Variants in WDFY4 observed in about 807,000 individuals in gnomAD.
WDFY4 encodes the protein WDFY family member 4.
Under a neutral mutation model 351.9 loss-of-function variants are expected in WDFY4, and 169 were observed. That is an observed-to-expected ratio of 0.48 (90% CI 0.42 to 0.55). WDFY4 has a LOEUF of 0.55. WDFY4 is among the 20% of genes least tolerant of loss of function. WDFY4 has a pLI of 0.00. For missense variants in WDFY4, 3,803 were observed against 3,935.6 expected, an observed-to-expected ratio of 0.97 and a Z score of 0.90; for synonymous variants, 1,622 against 1,574.6, an observed-to-expected ratio of 1.03 and a Z score of -0.71.
intron 1 of WDFY4, among the ~76,000 whole-genome samples, chr10:48,707,353 T>A (rs1565113409): frequency 6.6e-6 from 1 of 152,224 alleles, no homozygotes; most frequent in Non-Finnish European, 1.5e-5. Flanking sequence ...TGGAGGCATC[T>A]TAGTTTGTGG....
At chr10:48,885,736 A>C (rs541475469) in intron 43 of WDFY4, among the ~76,000 whole-genome samples, 45 of 152,122 alleles carry the variant, frequency 3.0e-4, no homozygotes, top group South Asian at 2.7e-3. Flanking sequence ...CTCTCTCTCT[A>C]TATATATAGA....
chr10:48,697,133 A>G (rs1033224564), intron 1 of WDFY4, among the ~76,000 whole-genome samples: 2 of 152,212 alleles, frequency 1.3e-5, no homozygotes, highest in Non-Finnish European at 2.9e-5. Flanking sequence ...GCCCACTCCT[A>G]GATACATGGA....
chr10:48,929,298 T>C (rs1272376686), intron 47 of WDFY4, among the ~76,000 whole-genome samples: 1 of 152,074 alleles, frequency 6.6e-6, no homozygotes, highest in African/African-American at 2.4e-5. Flanking sequence ...CAATAAAAGA[T>C]AATAAAGAGG....
Position 48,830,897 on chromosome 10 carries a change from C to T in WDFY4, c.6526+12C>T, listed in dbSNP as rs1256145299. On this transcript the variant is annotated intron_variant, in intron 38 of 61. Coordinates refer to ENST00000325239, the MANE Select transcript of WDFY4 (RefSeq NM_001394531.1). Reference sequence around the variant, plus strand: ...GCAGCATTACTTAGGTCTCTATCCACTCGGCTCCAGGGAATGGGAACTCCT... The same window carrying T: ...GCAGCATTACTTAGGTCTCTATCCATTCGGCTCCAGGGAATGGGAACTCCT... The T allele has an allele frequency of 2.6e-6, 4 of 1,546,852 alleles. No individual in the cohort carries two copies. Among genetic ancestry groups the T allele is most frequent in the Non-Finnish European group, 3.5e-6 (4 of 1,143,496 alleles).
intron 39 of WDFY4, among the ~76,000 whole-genome samples, chr10:48,843,932 A>G (rs916516458): frequency 6.6e-6 from 1 of 152,232 alleles, no homozygotes; most frequent in Non-Finnish European, 1.5e-5. Context: ...CTAGCATTCA[A>G]AAGACAGAAG....
intron 36 of WDFY4, among the ~76,000 whole-genome samples, chr10:48,827,576 C>T (rs1233117693): frequency 6.7e-6 from 1 of 149,480 alleles, no homozygotes; most frequent in Non-Finnish European, 1.5e-5. Context: ...TCTCAGCATC[C>T]TGCTGGCTGT....
intron 1 of WDFY4, among the ~76,000 whole-genome samples, chr10:48,704,051 C>A (rs1411332917): frequency 6.6e-6 from 1 of 152,124 alleles, no homozygotes; most frequent in Admixed American, 6.6e-5. Context: ...GAAGGGGAGA[C>A]CCCATCACAT....
At chr10:48,974,518 A>AAAAAAAAAAAAAAAACAAC (rs1287019683) in intron 57 of WDFY4, among the ~76,000 whole-genome samples, 1 of 28,068 alleles carries the variant, frequency 3.6e-5, no homozygotes, top group Non-Finnish European at 1.9e-4. Context: ...AAAAAAAAAA[A>AAAAAAAAAAAAAAAACAAC]AAAAAAAAAA....
At chr10:48,881,582 G>A (rs2133326772) in intron 43 of WDFY4, among the ~76,000 whole-genome samples, 1 of 152,288 alleles carries the variant, frequency 6.6e-6, no homozygotes, top group Admixed American at 6.5e-5. Flanking sequence ...AAATCAAGGA[G>A]GTCCCTAAAC....
chr10:48,773,197 G>A (rs1176268503), intron 13 of WDFY4, among the ~76,000 whole-genome samples: 1 of 152,156 alleles, frequency 6.6e-6, no homozygotes, highest in Non-Finnish European at 1.5e-5. Flanking sequence ...ACTGTTGGTG[G>A]GACTGTAAAC....
At position 48,937,669 on chromosome 10, in the gene WDFY4, G is replaced by A. The variant is rs149908732; in HGVS notation, c.7587-4137G>A. 4.8e-3 allele frequency among the ~76,000 whole-genome samples: 732 copies of A among 152,332 alleles called. 3 individuals carry two copies. The highest frequency in any genetic ancestry group is 0.017 in the African/African-American group (704 of 41,572). ...AAGTGTTATTATTAGGTCTAGAACT[G>A]TATGCAGATTTTCCACGTTAGGGAA... On this transcript the variant is annotated intron_variant, in intron 47 of 61. Transcript: ENST00000325239.
At chr10:48,917,877 T>C (rs1838693273) in intron 47 of WDFY4, among the ~76,000 whole-genome samples, 1 of 152,150 alleles carries the variant, frequency 6.6e-6, no homozygotes, top group South Asian at 2.1e-4. Flanking sequence ...ATGTATGTGA[T>C]CGAAAGAAAA....
In WDFY4 at chr10:48,914,186, A is replaced by G. The variant is rs79003434; in HGVS notation, c.7586+12323A>G. 603 of 1,589,920 alleles carry G rather than the reference A, an allele frequency of 3.8e-4. 9 individuals carry two copies. The East Asian group carries it at 0.013, about 35-fold the overall frequency. The stretch of plus-strand genomic sequence containing the variant: ...TTTAGTAAGGGAGTGTTAGAAGTTT[A>G]TTGTTCTGATTGGATAGTGATCAGT... On this transcript the variant is annotated intron_variant, in intron 47 of 61. Coordinates refer to ENST00000325239, the MANE Select transcript of WDFY4 (RefSeq NM_001394531.1).
At chr10:48,822,268 T>C (rs1345629659) in intron 34 of WDFY4, 112 bp from the exon 35 acceptor site, 3 of 1,186,872 alleles carry the variant, frequency 2.5e-6, no homozygotes, top group Non-Finnish European at 2.2e-6. Context: ...TTTGGAACCA[T>C]GGGGTACACA....
At chr10:48,918,096 A>G (rs1404932138) in intron 47 of WDFY4, among the ~76,000 whole-genome samples, 1 of 152,230 alleles carries the variant, frequency 6.6e-6, no homozygotes, top group Non-Finnish European at 1.5e-5. Flanking sequence ...AGATATAGTA[A>G]ATAGTAAAAA....
chr10:48,811,455 G>T, intron 29 of WDFY4, 84 bp from the exon 30 acceptor site: 5 of 1,231,500 alleles, frequency 4.1e-6, no homozygotes, highest in South Asian at 1.5e-5. Flanking sequence ...GTGGGTGGCC[G>T]GGTGTTCCTT....
At chr10:48,877,311 G>A (rs940311744) in intron 43 of WDFY4, 112 bp downstream of exon 43, 1 of 1,020,256 alleles carries the variant, frequency 9.8e-7, no homozygotes, top group Non-Finnish European at 1.4e-6. Flanking sequence ...ATCTCCATTT[G>A]CTATGAAAAC....
At chr10:48,850,226 C>T (rs1201743848) in intron 39 of WDFY4, among the ~76,000 whole-genome samples, 1 of 152,210 alleles carries the variant, frequency 6.6e-6, no homozygotes, top group Non-Finnish European at 1.5e-5. Context: ...AAGTCCATAC[C>T]ACCCTCAAGG....
Position 48,709,790 on chromosome 10 carries a change from A to T in WDFY4, c.58A>T (p.Asn20Tyr). 1 of 1,551,914 alleles carries T rather than the reference A, an allele frequency of 6.4e-7. No individual in the cohort carries two copies. The highest frequency in any genetic ancestry group is 8.7e-7 in the Non-Finnish European group (1 of 1,147,036). ...EDRNEDPGSK[N>Y]EGQLAAVQPD... ...CAGAAATGAAGACCCAGGTTCCAAAAATGAAGGGCAGCTTGCTGCTGTGCA... is the reference window on the plus strand; with the variant it reads ...CAGAAATGAAGACCCAGGTTCCAAATATGAAGGGCAGCTTGCTGCTGTGCA... Residue 20 changes from asparagine (N) to tyrosine (Y), a missense_variant, in exon 2 of 62, where the codon AAT becomes TAT. By Grantham distance (143) the Asn-to-Tyr change is moderately radical. This residue lies in a region of WDFY4 where 488 missense variants were observed against 456.8 expected (regional missense o/e 1.07). Coordinates refer to ENST00000325239, the MANE Select transcript of WDFY4 (RefSeq NM_001394531.1).
Sources: gnomAD v4.1 joint callset for allele counts (sites outside exome capture counted in the v4.1 genomes callset) on GRCh38, gnomAD v4.1.1 for gene constraint, gnomAD v4.1.1 regional missense constraint, MANE v1.5 for transcripts, NCBI Gene and HGNC (gene_info 2026-07-23, HGNC 2026-07-21) for gene names.